The following ARHGAP32 variants were observed in gnomAD, a reference collection of about 807,000 sequenced individuals.
ARHGAP32 encodes the protein rho GTPase-activating protein 32.
In ARHGAP32, 51 loss-of-function variants were observed where a neutral mutation model predicts 186.5. The observed-to-expected ratio is 0.27, with a 90% CI of 0.22 to 0.35. The LOEUF is 0.35. ARHGAP32 is among the 10% of genes least tolerant of loss of function. The probability of loss-of-function intolerance (pLI) is 1.00; values close to 1 mark genes in which losing one functional copy is unlikely to be tolerated. For missense variants in ARHGAP32, 2,186 were observed against 2,623.5 expected (o/e 0.83, Z 3.64); for synonymous variants, 950 against 964.3 (o/e 0.99, Z 0.27).
chr11:129,143,452 A>G (rs1943103936), intron 2 of ARHGAP32, among the ~76,000 whole-genome samples: 1 of 152,074 alleles, frequency 6.6e-6, no homozygotes, highest in Non-Finnish European at 1.5e-5. Flanking sequence ...ACAGTCCCGC[A>G]CCGCCCCACT....
At chr11:129,095,020 A>G (rs1941691387) in intron 5 of ARHGAP32, among the ~76,000 whole-genome samples, 1 of 152,226 alleles carries the variant, frequency 6.6e-6, no homozygotes, top group Non-Finnish European at 1.5e-5. Context: ...ATGAAGATAT[A>G]TTCTCTATTG....
At chr11:129,053,299 T>A (rs1313890829) in intron 10 of ARHGAP32, among the ~76,000 whole-genome samples, 1 of 152,098 alleles carries the variant, frequency 6.6e-6, no homozygotes, top group Admixed American at 6.5e-5. Context: ...TATTTCTATG[T>A]CCCAAAAGGA....
intron 10 of ARHGAP32, among the ~76,000 whole-genome samples, chr11:129,060,315 T>C (rs2135128326): frequency 6.6e-6 from 1 of 151,612 alleles, no homozygotes; most frequent in Admixed American, 6.6e-5. Flanking sequence ...AAAAAGCAAA[T>C]GACTTCCCTA....
intron 7 of ARHGAP32, among the ~76,000 whole-genome samples, chr11:129,066,083 A>G (rs1456049801): frequency 6.6e-6 from 1 of 152,150 alleles, no homozygotes; most frequent in East Asian, 1.9e-4. Context: ...AGAGGATAGT[A>G]ATCATCCTTC....
chr11:129,174,083 C>T (rs906657211), intron 1 of ARHGAP32, among the ~76,000 whole-genome samples: 7 of 152,150 alleles, frequency 4.6e-5, no homozygotes, highest in South Asian at 2.1e-4. Context: ...AGTGGGTGCG[C>T]GCACCGTGCA....
intron 6 of ARHGAP32, among the ~76,000 whole-genome samples, chr11:129,070,749 T>C (rs138483153): frequency 3.3e-5 from 5 of 152,116 alleles, no homozygotes; most frequent in African/African-American, 1.2e-4. Flanking sequence ...TTCCTAAAAA[T>C]TGACACGTTG....
chr11:129,149,060 C>G (rs1468648758), intron 2 of ARHGAP32, among the ~76,000 whole-genome samples: 1 of 152,192 alleles, frequency 6.6e-6, no homozygotes, highest in African/African-American at 2.4e-5. Flanking sequence ...GGCTTTATGG[C>G]CCCATCCATC....
intron 11 of ARHGAP32, among the ~76,000 whole-genome samples, chr11:129,000,624 C>A (rs1653567122): frequency 2.6e-5 from 4 of 152,078 alleles, no homozygotes; most frequent in Admixed American, 2.6e-4. Flanking sequence ...TGCAAAAAGT[C>A]CAATTATAGT....
At chr11:129,036,196 T>C (rs1182397714) in intron 11 of ARHGAP32, among the ~76,000 whole-genome samples, 1 of 151,760 alleles carries the variant, frequency 6.6e-6, no homozygotes, top group African/African-American at 2.4e-5. Flanking sequence ...CTGACCAACA[T>C]GGAGAAAACC....
intron 2 of ARHGAP32, among the ~76,000 whole-genome samples, chr11:129,163,403 C>A (rs184302547): frequency 1.3e-5 from 2 of 152,182 alleles, no homozygotes; most frequent in Admixed American, 1.3e-4. Flanking sequence ...AAATGTATTA[C>A]GTGAAAAACT....
At chr11:129,220,136 C>G (rs1944693833) in intron 1 of ARHGAP32, among the ~76,000 whole-genome samples, 1 of 152,140 alleles carries the variant, frequency 6.6e-6, no homozygotes, top group Non-Finnish European at 1.5e-5. Context: ...TTCCCTATAT[C>G]TGAAACATTC....
intron 5 of ARHGAP32, among the ~76,000 whole-genome samples, chr11:129,105,166 T>A (rs114686656): frequency 0.013 from 2,014 of 152,190 alleles, 41 homozygotes; most frequent in African/African-American, 0.041. Context: ...AGCAAAAAAA[T>A]TATATTTGAG....
At chr11:128,979,260 A>C (rs1201583029) in intron 18 of ARHGAP32, among the ~76,000 whole-genome samples, 1 of 152,198 alleles carries the variant, frequency 6.6e-6, no homozygotes, top group African/African-American at 2.4e-5. Flanking sequence ...AGAGTTAAAG[A>C]AAATGATTTT....
intron 1 of ARHGAP32, among the ~76,000 whole-genome samples, chr11:129,178,202 A>G (rs1237158504): frequency 6.6e-6 from 1 of 152,122 alleles, no homozygotes; most frequent in Non-Finnish European, 1.5e-5. Flanking sequence ...ATTGCTTCAA[A>G]GAGAATAAAA....
intron 11 of ARHGAP32, among the ~76,000 whole-genome samples, chr11:129,037,111 T>A (rs1394822572): frequency 1.3e-5 from 2 of 152,142 alleles, no homozygotes; most frequent in Non-Finnish European, 1.5e-5. Context: ...ACAATAGCAT[T>A]AAAAAGAATT....
chr11:129,239,598 C>G (rs550632786), intron 1 of ARHGAP32, among the ~76,000 whole-genome samples: 300 of 152,290 alleles, frequency 2.0e-3, no homozygotes, highest in African/African-American at 6.8e-3. Context: ...CCTAGAAGCA[C>G]TTTCGACACC....
chr11:129,040,415 C>T (rs1429163849), intron 11 of ARHGAP32, among the ~76,000 whole-genome samples: 1 of 152,000 alleles, frequency 6.6e-6, no homozygotes, highest in South Asian at 2.1e-4. Flanking sequence ...CAATAAACAC[C>T]GAAATTCACA....
At chr11:128,980,778 G>C in intron 17 of ARHGAP32, 30 bp from the exon 18 acceptor site, 1 of 1,509,642 alleles carries the variant, frequency 6.6e-7, no homozygotes, top group Non-Finnish European at 9.1e-7. Flanking sequence ...CTGATGAAGA[G>C]AGTCAACTAC....
intron 12 of ARHGAP32, among the ~76,000 whole-genome samples, chr11:128,990,610 T>C (rs552810471): frequency 7.2e-5 from 11 of 152,222 alleles, no homozygotes; most frequent in East Asian, 1.9e-4. Context: ...GCAGGTAGAA[T>C]TGCTGGGTAC....
Sources: gnomAD v4.1 joint callset for allele counts (sites outside exome capture counted in the v4.1 genomes callset) on GRCh38, gnomAD v4.1.1 for gene constraint, MANE v1.5 for transcripts, NCBI Gene and HGNC (gene_info 2026-07-23, HGNC 2026-07-21) for gene names.